APBB2: variants seen among roughly 807,000 people sequenced by gnomAD.
The protein encoded by APBB2 is Fe65-like 1.
In APBB2, 38 loss-of-function variants were observed where a neutral mutation model predicts 82.5. The observed-to-expected ratio is 0.46, with a 90% confidence interval of 0.36 to 0.60. The LOEUF (loss-of-function observed/expected upper bound fraction) is 0.60. APBB2 is among the 20% of genes least tolerant of loss of function. The pLI is 0.00. For missense variants in APBB2, 772 were observed against 972.3 expected (o/e 0.79, Z 2.74); for synonymous variants, 341 against 368.2 (o/e 0.93, Z 0.85).
intron 3 of APBB2, among the ~76,000 whole-genome samples, chr4:41,070,013 G>A (rs1402428176): frequency 6.6e-6 from 1 of 152,168 alleles, no homozygotes; most frequent in Non-Finnish European, 1.5e-5. Context: ...CTTTACATCT[G>A]TCTGCCTTCT....
rs150767423 is a variant in APBB2, at chr4:41,013,565, C to T, written c.835+18G>A. On this transcript the variant is annotated intron_variant, in intron 6 of 17. Transcript: ENST00000508593. The stretch of plus-strand genomic sequence containing the variant: ...AAAAAAAAAGTGCCAGCTGAGGCTA[C>T]GCCTTCCCCAGGGGTACCTGTTTCA... 4.9e-5 allele frequency: 78 copies of T among 1,604,332 alleles called. No homozygotes were observed. The African/African-American group carries it at 7.2e-4, about 15-fold the overall frequency.
At position 41,205,492 on chromosome 4, in the gene APBB2, T is replaced by C. The variant is rs530371476; in HGVS notation, c.-417+8913A>G. Among the ~76,000 whole-genome samples, 6 of 151,984 alleles carry C rather than the reference T, an allele frequency of 3.9e-5. No homozygotes were observed. In the South Asian group the frequency reaches 1.0e-3, roughly 26 times the overall value. ...CATTAAGGGCATAAATTTGGGTCCC[T>C]GGGAAAAAAGGGATGAAAGGCAAAG... On this transcript the variant is annotated intron_variant, in intron 1 of 17. Coordinates refer to ENST00000508593, the MANE Select transcript of APBB2 (RefSeq NM_004307.2).
intron 2 of APBB2, among the ~76,000 whole-genome samples, chr4:41,140,371 G>C (rs1184201788): frequency 6.6e-6 from 1 of 152,230 alleles, no homozygotes; most frequent in South Asian, 2.1e-4. Flanking sequence ...GCAAGTAATT[G>C]AATTAAATCT....
intron 5 of APBB2, among the ~76,000 whole-genome samples, chr4:41,020,520 AG>A (rs1360741184): frequency 2.6e-5 from 4 of 152,246 alleles, no homozygotes; most frequent in Non-Finnish European, 5.9e-5. Context: ...TTACAGAATC[AG>A]GAAGGAACCA....
intron 1 of APBB2, among the ~76,000 whole-genome samples, chr4:41,186,603 T>C (rs993669248): frequency 1.3e-5 from 2 of 152,192 alleles, no homozygotes; most frequent in African/African-American, 4.8e-5. Flanking sequence ...ACCACTGTTG[T>C]AGTTCAGATC....
At chr4:41,194,163 A>AAAAAAT in intron 1 of APBB2, 1 of 151,822 alleles carries the variant, frequency 6.6e-6, no homozygotes, top group East Asian at 1.9e-4. Context: ...AAAAAAAAAA[A>AAAAAAT]TTGTTTTAAT....
chr4:41,048,857 T>G (rs1364384483), intron 4 of APBB2, among the ~76,000 whole-genome samples: 2 of 152,148 alleles, frequency 1.3e-5, no homozygotes, highest in African/African-American at 4.8e-5. Context: ...ATTTTTTTGG[T>G]GGAGACAGGG....
At chr4:41,030,240 G>A (rs1716204007) in intron 5 of APBB2, among the ~76,000 whole-genome samples, 2 of 152,090 alleles carry the variant, frequency 1.3e-5, no homozygotes, top group African/African-American at 4.8e-5. Flanking sequence ...ATTCCAGATG[G>A]GGGAAAGCTT....
chr4:40,868,292 A>G (rs1329926602), intron 12 of APBB2, among the ~76,000 whole-genome samples: 1 of 152,222 alleles, frequency 6.6e-6, no homozygotes, highest in East Asian at 1.9e-4. Flanking sequence ...GCTTTGTTTG[A>G]AAAAGACCCA....
In APBB2 at chr4:40,945,093, G is replaced by A. The variant is rs767456495; in HGVS notation, c.836-20C>T. The A allele has an allele frequency of 9.5e-7, 1 of 1,052,628 alleles. No homozygotes were observed. Among genetic ancestry groups the A allele is most frequent in the Admixed American group, 1.9e-5 (1 of 53,586 alleles). The allele number at this position is 1,052,628 out of a possible 1,614,324, so 65.2% of individuals were successfully genotyped here. Reference sequence around the variant, plus strand: ...TATCTGCTGAAAAATTGGGGGGCGGGGCGGGGGGAGAAAGAGAGAATTTTA... The same window carrying A: ...TATCTGCTGAAAAATTGGGGGGCGGAGCGGGGGGAGAAAGAGAGAATTTTA... On this transcript the variant is annotated intron_variant, in intron 6 of 17. Coordinates refer to ENST00000508593, the MANE Select transcript of APBB2 (RefSeq NM_004307.2).
Position 40,827,393 on chromosome 4 carries a change from A to G in APBB2, c.1645-174T>C, listed in dbSNP as rs77370918. Among the ~76,000 whole-genome samples the G allele has an allele frequency of 6.5e-3, 994 of 152,056 alleles. 8 individuals are homozygous for G. The highest frequency in any genetic ancestry group is 0.021 in the East Asian group (106 of 5,162). ...GCTACATATTTTGTTGAGGAATTCCACTCATTTTCTCTGGGGATGATAGGT... is the reference window on the plus strand; with the variant it reads ...GCTACATATTTTGTTGAGGAATTCCGCTCATTTTCTCTGGGGATGATAGGT... On this transcript the variant is annotated intron_variant, in intron 13 of 17. Coordinates refer to ENST00000508593, the MANE Select transcript of APBB2 (RefSeq NM_004307.2).
At position 41,035,552 on chromosome 4, in the gene APBB2, A is replaced by G. The variant is rs116322860; in HGVS notation, c.-50-2248T>C. Among the ~76,000 whole-genome samples the G allele has an allele frequency of 7.8e-3, 1,185 of 152,296 alleles. 14 individuals carry two copies. The highest frequency in any genetic ancestry group is 0.027 in the African/African-American group (1,107 of 41,544). ...TCAGTACATTAAATGCTATGCAGAG[A>G]AAGAGATGAAGTAATAGATACTCAA... On this transcript the variant is annotated intron_variant, in intron 4 of 17. Coordinates refer to ENST00000508593, the MANE Select transcript of APBB2 (RefSeq NM_004307.2).
chr4:40,980,926 A>C (rs1252353032), intron 6 of APBB2, among the ~76,000 whole-genome samples: 2 of 152,164 alleles, frequency 1.3e-5, no homozygotes, highest in Admixed American at 6.5e-5. Context: ...TTCATTTAGA[A>C]ATTCTTGTTA....
chr4:40,965,538 T>C (rs1794468442), intron 6 of APBB2, among the ~76,000 whole-genome samples: 1 of 152,166 alleles, frequency 6.6e-6, no homozygotes. Context: ...AAAACGCACA[T>C]GAATTTGGAA....
chr4:40,817,818 A>G (rs992215217), intron 17 of APBB2, among the ~76,000 whole-genome samples: 7 of 152,160 alleles, frequency 4.6e-5, no homozygotes, highest in African/African-American at 1.7e-4. Context: ...ACCCCTTTCA[A>G]ATCAATCATA....
Position 40,916,176 on chromosome 4 carries a change from G to A in APBB2, c.1254+18280C>T, listed in dbSNP as rs1242194623. On this transcript the variant is annotated intron_variant, in intron 10 of 17. Coordinates refer to ENST00000508593, the MANE Select transcript of APBB2 (RefSeq NM_004307.2). ...AAATTAGATATGATGAATTCCTACG[G>A]GGAGGAATGTATGTGCACAGAGCTG... Among the ~76,000 whole-genome samples the A allele has an allele frequency of 2.0e-5, 3 of 152,314 alleles. No individual in the cohort carries two copies. In the East Asian group the frequency reaches 5.8e-4, roughly 29 times the overall value.
At chr4:41,104,868 A>T (rs1746640892) in intron 2 of APBB2, among the ~76,000 whole-genome samples, 1 of 152,170 alleles carries the variant, frequency 6.6e-6, no homozygotes, top group African/African-American at 2.4e-5. Flanking sequence ...TCTAGTGTGT[A>T]TATGTACCAC....
intron 1 of APBB2, among the ~76,000 whole-genome samples, chr4:41,180,711 G>A (rs1771099852): frequency 1.3e-5 from 2 of 152,124 alleles, no homozygotes; most frequent in Non-Finnish European, 2.9e-5. Flanking sequence ...GTGTCTTCCA[G>A]TGGACCAGAA....
At chr4:40,927,891 A>C (rs189524097) in intron 10 of APBB2, among the ~76,000 whole-genome samples, 2 of 152,380 alleles carry the variant, frequency 1.3e-5, no homozygotes, top group East Asian at 3.9e-4. Context: ...GAACTCTGAC[A>C]AAACGGTATA....
Sources: gnomAD v4.1 joint callset for allele counts (sites outside exome capture counted in the v4.1 genomes callset) on GRCh38, gnomAD v4.1.1 for gene constraint, MANE v1.5 for transcripts, NCBI Gene and HGNC (gene_info 2026-07-23, HGNC 2026-07-21) for gene names.